Variants in MAP3K7CL observed in about 807,000 individuals in gnomAD.
MAP3K7CL encodes MAP3K7 C-terminal-like protein.
A neutral mutation model predicts 18.6 loss-of-function variants in MAP3K7CL; 16 were observed. The observed-to-expected ratio is 0.86, with a 90% CI of 0.58 to 1.31. The LOEUF (loss-of-function observed/expected upper bound fraction) is 1.31. MAP3K7CL is among the 50% of genes most tolerant of loss of function. The pLI is 0.00. For synonymous variants in MAP3K7CL, 65 were observed against 66.8 expected, an observed-to-expected ratio of 0.97 and a Z score of 0.13; for missense variants, 163 against 174.4, an observed-to-expected ratio of 0.93 and a Z score of 0.37.
At chr21:29,102,044 G>A (rs1019745523) in intron 4 of MAP3K7CL, among the ~76,000 whole-genome samples, 12 of 152,194 alleles carry the variant, frequency 7.9e-5, no homozygotes, top group Non-Finnish European at 1.6e-4. Flanking sequence ...TCTAAAGAAA[G>A]TACCAAGATT....
At chr21:29,110,071 T>C (rs1182251866) in intron 4 of MAP3K7CL, among the ~76,000 whole-genome samples, 1 of 152,252 alleles carries the variant, frequency 6.6e-6, no homozygotes, top group Non-Finnish European at 1.5e-5. Flanking sequence ...GAGCATATTT[T>C]TACTTTTCTT....
At chr21:29,130,583 G>A, upstream of MAP3K7CL, 7 of 985,424 alleles carry the variant, frequency 7.1e-6, no homozygotes, top group Non-Finnish European at 8.4e-6. Context: ...ACAACTTGCT[G>A]TTTATCAATG....
At chr21:29,089,601 GC>G (rs1275272514) in intron 1 of MAP3K7CL, among the ~76,000 whole-genome samples, 1 of 152,134 alleles carries the variant, frequency 6.6e-6, no homozygotes, top group Non-Finnish European at 1.5e-5. Flanking sequence ...GATGTTTGTG[GC>G]CTTATTATTT....
At chr21:29,124,353 CAAAAAAAA>C (rs59499297) in intron 4 of MAP3K7CL, among the ~76,000 whole-genome samples, 1 of 78,608 alleles carries the variant, frequency 1.3e-5, no homozygotes, top group South Asian at 5.2e-4. Context: ...GACTCCGTCT[CAAAAAAAA>C]AAAAAAAAAA....
At chr21:29,091,896 C>A (rs1300719934) in intron 3 of MAP3K7CL, 10 of 582,492 alleles carry the variant, frequency 1.7e-5, no homozygotes, top group Non-Finnish European at 2.7e-5. Flanking sequence ...TCACAAAAGT[C>A]CTTTTGAGTT....
At chr21:29,107,252 T>C (rs1239985165) in intron 4 of MAP3K7CL, among the ~76,000 whole-genome samples, 1 of 151,804 alleles carries the variant, frequency 6.6e-6, no homozygotes, top group Admixed American at 6.6e-5. Context: ...GAGGCGGAGG[T>C]TGCAGTGAGC....
chr21:29,102,477 CTTT>C (rs563608855), intron 4 of MAP3K7CL: 28,150 of 90,414 alleles, frequency 0.31, 3,390 homozygotes, highest in East Asian at 0.4. Flanking sequence ...CTCTCTCTCT[CTTT>C]TTTTTTTTTT....
At chr21:29,099,770 G>A (rs1011091727) in intron 4 of MAP3K7CL, among the ~76,000 whole-genome samples, 6 of 152,032 alleles carry the variant, frequency 3.9e-5, no homozygotes, top group Non-Finnish European at 7.4e-5. Context: ...CTATCTTCCT[G>A]TGACAGACTA....
chr21:29,114,322 G>T (rs1431422317), intron 4 of MAP3K7CL, among the ~76,000 whole-genome samples: 1 of 125,158 alleles, frequency 8.0e-6, no homozygotes, highest in Non-Finnish European at 1.8e-5. Flanking sequence ...GCCCACCTCG[G>T]CATCCCAAAG....
intron 2 of MAP3K7CL, among the ~76,000 whole-genome samples, chr21:29,136,670 G>A (rs1437966370): frequency 1.3e-5 from 2 of 151,904 alleles, no homozygotes; most frequent in Admixed American, 6.6e-5. Flanking sequence ...GCAGGCACCC[G>A]CCACCAGGCC....
At chr21:29,137,975 C>T (rs1322181697) in intron 2 of MAP3K7CL, among the ~76,000 whole-genome samples, 2 of 152,120 alleles carry the variant, frequency 1.3e-5, no homozygotes, top group African/African-American at 2.4e-5. Context: ...TGAGAGCCTG[C>T]ATTAGATAAT....
At chr21:29,083,951 TATA>T (rs1449533450), upstream of MAP3K7CL, among the ~76,000 whole-genome samples, 5 of 142,980 alleles carry the variant, frequency 3.5e-5, no homozygotes, top group Non-Finnish European at 7.5e-5. Flanking sequence ...CATTTAATAT[TATA>T]ATATATAATA....
At chr21:29,095,090 G>T (rs1304858512) in intron 4 of MAP3K7CL, among the ~76,000 whole-genome samples, 12 of 148,590 alleles carry the variant, frequency 8.1e-5, no homozygotes, top group African/African-American at 2.8e-4. Context: ...GGAGGGGAAG[G>T]GAGCAGAGGA....
intron 3 of MAP3K7CL, among the ~76,000 whole-genome samples, chr21:29,156,062 A>G (rs562988715): frequency 2.0e-5 from 3 of 152,170 alleles, no homozygotes; most frequent in South Asian, 2.1e-4. Context: ...TTGGAGTGCA[A>G]TATTTCATTC....
intron 4 of MAP3K7CL, among the ~76,000 whole-genome samples, chr21:29,164,268 G>A (rs2087629491): frequency 6.6e-6 from 1 of 152,152 alleles, no homozygotes; most frequent in African/African-American, 2.4e-5. Flanking sequence ...TTCCCAAACA[G>A]TCTTTATTTT....
chr21:29,141,376 G>A (rs1421761508), intron 2 of MAP3K7CL, among the ~76,000 whole-genome samples: 3 of 152,038 alleles, frequency 2.0e-5, no homozygotes, highest in Non-Finnish European at 4.4e-5. Flanking sequence ...AGCCAGGTGT[G>A]GTGGCAGGTG....
chr21:29,134,144 A>G (rs1184677358), intron 2 of MAP3K7CL, among the ~76,000 whole-genome samples: 1 of 152,046 alleles, frequency 6.6e-6, no homozygotes, highest in South Asian at 2.1e-4. Context: ...CTTAAACAAC[A>G]TTACCATTTA....
At chr21:29,082,712 A>G (rs924471600), upstream of MAP3K7CL, among the ~76,000 whole-genome samples, 3 of 152,202 alleles carry the variant, frequency 2.0e-5, no homozygotes, top group African/African-American at 7.2e-5. Context: ...CTGTAGATAC[A>G]TGGAGGCACG....
intron 4 of MAP3K7CL, among the ~76,000 whole-genome samples, chr21:29,163,065 C>G (rs1004908625): frequency 2.0e-5 from 3 of 152,128 alleles, no homozygotes; most frequent in African/African-American, 4.8e-5. Flanking sequence ...GAGCCAAGAT[C>G]ACGCCACTGC....
Sources: allele counts gnomAD v4.1 joint callset (sites outside exome capture counted in the v4.1 genomes callset), GRCh38; gene constraint gnomAD v4.1.1; transcripts MANE v1.5; gene names NCBI Gene and HGNC (gene_info 2026-07-23, HGNC 2026-07-21).